Variants in RMDN2 observed in about 807,000 individuals in gnomAD.
RMDN2 encodes the protein regulator of microtubule dynamics protein 2.
RMDN2 carries 61 observed loss-of-function variants against 52.8 expected under a neutral mutation model. The ratio of observed to expected loss-of-function variants is 1.16; its 90% CI spans 0.94 to 1.43. The LOEUF (loss-of-function observed/expected upper bound fraction) is 1.43, where lower values mean the gene tolerates loss of function less well. Among genes scored for constraint, RMDN2 ranks in the 40% most tolerant of loss-of-function variants. The probability of loss-of-function intolerance (pLI) is 0.00; values close to 1 mark genes in which losing one functional copy is unlikely to be tolerated. For missense variants in RMDN2, 592 were observed against 475.3 expected (o/e 1.25, Z -2.28); for synonymous variants, 180 against 153.1 (o/e 1.18, Z -1.30).
intron 2 of RMDN2, among the ~76,000 whole-genome samples, chr2:37,961,649 C>G (rs533885566): frequency 1.3e-5 from 2 of 151,932 alleles, no homozygotes; most frequent in Non-Finnish European, 2.9e-5. Flanking sequence ...TCCTTTAGCT[C>G]GGAGAAGTTT....
At chr2:37,941,355 T>C (rs1667771998) in intron 2 of RMDN2, among the ~76,000 whole-genome samples, 1 of 152,204 alleles carries the variant, frequency 6.6e-6, no homozygotes, top group Non-Finnish European at 1.5e-5. Context: ...TGTCTCCCTG[T>C]CAGGAGGCAC....
intron 2 of RMDN2, among the ~76,000 whole-genome samples, chr2:37,946,067 G>C (rs75590535): frequency 6.6e-6 from 1 of 152,136 alleles, no homozygotes; most frequent in South Asian, 2.1e-4. Context: ...ACTATATTTC[G>C]TTAATTCTAA....
At chr2:37,936,676 C>A (rs1284871857) in intron 2 of RMDN2, among the ~76,000 whole-genome samples, 1 of 152,166 alleles carries the variant, frequency 6.6e-6, no homozygotes, top group African/African-American at 2.4e-5. Context: ...TATTTGTTGG[C>A]CACATAAATG....
intron 10 of RMDN2, among the ~76,000 whole-genome samples, chr2:38,039,093 C>CACACACAGAG (rs1317093706): frequency 3.3e-5 from 3 of 91,592 alleles, no homozygotes; most frequent in African/African-American, 9.2e-5. Context: ...CACACACACA[C>CACACACAGAG]AGAGAGAGAG....
chr2:38,029,045 C>T (rs1192178098), intron 10 of RMDN2, among the ~76,000 whole-genome samples: 1 of 152,102 alleles, frequency 6.6e-6, no homozygotes, highest in Non-Finnish European at 1.5e-5. Flanking sequence ...AAATAAAGTC[C>T]TGTGAGTAAA....
intron 10 of RMDN2, among the ~76,000 whole-genome samples, chr2:38,025,326 G>A (rs1679697826): frequency 6.6e-6 from 1 of 151,942 alleles, no homozygotes; most frequent in African/African-American, 2.4e-5. Flanking sequence ...TGTGTACACT[G>A]ATCTTGCATC....
chr2:37,959,064 T>C (rs1411343513), intron 2 of RMDN2, among the ~76,000 whole-genome samples: 1 of 151,154 alleles, frequency 6.6e-6, no homozygotes, highest in Non-Finnish European at 1.5e-5. Flanking sequence ...CAGTATTTTA[T>C]TGAGGATTTT....
chr2:38,038,621 C>T (rs976158237), intron 10 of RMDN2, among the ~76,000 whole-genome samples: 3 of 152,238 alleles, frequency 2.0e-5, no homozygotes, highest in Non-Finnish European at 2.9e-5. Flanking sequence ...AGGGCCAAAC[C>T]AACCACTCAT....
chr2:37,998,987 G>T (rs1410331155), intron 8 of RMDN2, among the ~76,000 whole-genome samples: 1 of 152,098 alleles, frequency 6.6e-6, no homozygotes, highest in Admixed American at 6.6e-5. Flanking sequence ...ATCTATTTAA[G>T]ATAAAATATT....
chr2:38,003,631 T>C (rs918704010), intron 8 of RMDN2, among the ~76,000 whole-genome samples: 2 of 145,518 alleles, frequency 1.4e-5, no homozygotes, highest in Admixed American at 6.8e-5. Flanking sequence ...CAGACAAATA[T>C]ATAGGACTTG....
intron 2 of RMDN2, among the ~76,000 whole-genome samples, chr2:37,943,808 G>A (rs948606730): frequency 6.6e-6 from 1 of 151,958 alleles, no homozygotes. Flanking sequence ...TTCCCCCTTA[G>A]GCTATGTGTT....
intron 7 of RMDN2, among the ~76,000 whole-genome samples, chr2:37,995,225 A>C (rs773039837): frequency 6.6e-6 from 1 of 152,122 alleles, no homozygotes; most frequent in Non-Finnish European, 1.5e-5. Flanking sequence ...AGTTATATCA[A>C]ATAGTAACCA....
chr2:37,971,639 C>T (rs1173158703), intron 2 of RMDN2, among the ~76,000 whole-genome samples: 1 of 152,064 alleles, frequency 6.6e-6, no homozygotes, highest in East Asian at 1.9e-4. Context: ...TCTTACATGC[C>T]AACTCTCCCA....
chr2:38,066,387 C>T (rs1041186553), intron 10 of RMDN2, among the ~76,000 whole-genome samples: 1 of 152,300 alleles, frequency 6.6e-6, no homozygotes, highest in South Asian at 2.1e-4. Context: ...TTATTTTCCT[C>T]CATAATTCCA....
intron 2 of RMDN2, among the ~76,000 whole-genome samples, chr2:37,940,822 C>T (rs2124926875): frequency 6.6e-6 from 1 of 152,252 alleles, no homozygotes; most frequent in African/African-American, 2.4e-5. Context: ...AGTTTCCTTG[C>T]ATTGGGTTAA....
chr2:38,060,446 A>T (rs986163558), intron 10 of RMDN2, among the ~76,000 whole-genome samples: 5 of 152,100 alleles, frequency 3.3e-5, no homozygotes, highest in Non-Finnish European at 7.4e-5. Flanking sequence ...TTTTTCCTCA[A>T]TATCAGTGCC....
intron 5 of RMDN2, among the ~76,000 whole-genome samples, chr2:37,986,933 C>T (rs1330526135): frequency 1.3e-5 from 2 of 152,014 alleles, no homozygotes; most frequent in East Asian, 1.9e-4. Context: ...TAAGGATGTT[C>T]CCTCTTACCA....
chr2:37,994,799 A>T (rs1361199033), intron 7 of RMDN2, among the ~76,000 whole-genome samples: 1 of 152,242 alleles, frequency 6.6e-6, no homozygotes, highest in Non-Finnish European at 1.5e-5. Context: ...ACCAAGAGAA[A>T]TAAAAATATA....
chr2:38,044,513 G>A (rs1186901000), intron 10 of RMDN2, among the ~76,000 whole-genome samples: 1 of 150,056 alleles, frequency 6.7e-6, no homozygotes, highest in African/African-American at 2.4e-5. Flanking sequence ...TTCCCATTAT[G>A]CATATGTTAC....
Sources: gnomAD v4.1 joint callset for allele counts (sites outside exome capture counted in the v4.1 genomes callset) on GRCh38, gnomAD v4.1.1 for gene constraint, MANE v1.5 for transcripts, NCBI Gene and HGNC (gene_info 2026-07-23, HGNC 2026-07-21) for gene names.